Variants in PCNT observed in about 807,000 individuals in gnomAD.
PCNT encodes the protein pericentrin.
A neutral mutation model predicts 380.4 loss-of-function variants in PCNT; 319 were observed. The observed-to-expected ratio is 0.84, with a 90% confidence interval of 0.77 to 0.92. The LOEUF is 0.92. Ranked by LOEUF, PCNT falls within the 40% of genes least tolerant of loss-of-function variation. The pLI is 0.00. For synonymous variants in PCNT, 1,845 were observed against 1,735.2 expected, an observed-to-expected ratio of 1.06 and a Z score of -1.57; for missense variants, 4,400 against 4,255.3, an observed-to-expected ratio of 1.03 and a Z score of -0.95.
At chr21:46,325,523 G>A (rs558231480) in intron 1 of PCNT, among the ~76,000 whole-genome samples, 1 of 152,342 alleles carries the variant, frequency 6.6e-6, no homozygotes, top group South Asian at 2.1e-4. Context: ...GACTTTGAAG[G>A]AAATATTTCC....
rs772844734 is a variant in PCNT, at chr21:46,391,232, G to A, written c.4072G>A (p.Glu1358Lys). 36 of 1,608,732 alleles carry A rather than the reference G, an allele frequency of 2.2e-5. No individual in the cohort carries two copies. The East Asian group carries it at 2.7e-4, about 12-fold the overall frequency. The change falls in exon 21 of 47, where the codon GAG becomes AAG. Residue 1358 changes from glutamate to lysine, a missense_variant. By Grantham distance (56) the Glu-to-Lys change is moderately conservative. Coordinates refer to ENST00000359568, the MANE Select transcript of PCNT (RefSeq NM_006031.6). ...GGTGCTGGCCGGGAAGGAGGATTCC[G>A]AGCACCGTCTGGTGCTGGAGCTGGA... is the stretch of plus-strand genomic sequence containing the variant. ...KEVLAGKEDSEHRLVLELESL... is the reference protein window; with the variant it reads ...KEVLAGKEDSKHRLVLELESL...
chr21:46,404,320 A>G (rs1323084044), intron 27 of PCNT, among the ~76,000 whole-genome samples: 2 of 152,256 alleles, frequency 1.3e-5, no homozygotes, highest in Non-Finnish European at 2.9e-5. Context: ...AGGACATTTC[A>G]TATCTGTAGG....
intron 46 of PCNT, among the ~76,000 whole-genome samples, chr21:46,445,052 G>A (rs952229710): frequency 2.0e-5 from 3 of 147,820 alleles, no homozygotes; most frequent in Non-Finnish European, 3.0e-5. Context: ...ATCACCGTCT[G>A]GACTTTTTTG....
chr21:46,445,395 A>G lies in PCNT; in HGVS notation c.*68A>G. On this transcript the variant is annotated 3_prime_UTR_variant, in exon 47 of 47. Coordinates refer to ENST00000359568, the MANE Select transcript of PCNT (RefSeq NM_006031.6). The stretch of plus-strand genomic sequence containing the variant: ...AAAAGATTTGTTTTTCCCTTTTCCC[A>G]AGGAAGCTCGTGGGACAGCATGGGC... 1 of 1,309,688 alleles carries G rather than the reference A, an allele frequency of 7.6e-7. No individual in the cohort carries two copies. Among genetic ancestry groups the G allele is most frequent in the South Asian group, 1.2e-5 (1 of 85,018 alleles). The allele number at this position is 1,309,688 out of a possible 1,614,324, so 81.1% of individuals were successfully genotyped here. A position where few individuals can be genotyped will look rare whatever the true frequency, so the allele number is the denominator to read the frequency against.
chr21:46,324,777 A>G, intron 1 of PCNT: 2 of 674,174 alleles, frequency 3.0e-6, no homozygotes, highest in Non-Finnish European at 3.7e-6. Context: ...GTCTAGGGCC[A>G]GTTTCCTGCG....
chr21:46,391,088 G>T lies in PCNT; in HGVS notation c.4004-76G>T, dbSNP rs1012141066. On this transcript the variant is annotated intron_variant, in intron 20 of 46. Transcript: ENST00000359568. ...TGCTGCTCTCAGGGGCAGTGGCCCC[G>T]TCCCTTCCTCCAAGCAGGCTCTCCT... The T allele has an allele frequency of 2.1e-5, 30 of 1,397,936 alleles. No homozygotes were observed. The South Asian group carries it at 3.6e-4, about 17-fold the overall frequency. 86.6% of individuals were successfully genotyped at this position (1,397,936 alleles called of 1,614,324 possible). A position where few individuals can be genotyped will look rare whatever the true frequency, so the allele number is the denominator to read the frequency against.
intron 32 of PCNT, among the ~76,000 whole-genome samples, chr21:46,424,743 G>A (rs1210131227): frequency 1.2e-4 from 3 of 24,378 alleles, no homozygotes; most frequent in South Asian, 1.2e-3. Context: ...CCCCAGCCAC[G>A]GCCTTGCTCC....
Position 46,349,177 on chromosome 21 carries a change from C to G in PCNT, c.1198C>G (p.Gln400Glu). The G allele has an allele frequency of 1.2e-6, 2 of 1,613,386 alleles. No individual in the cohort carries two copies. Among genetic ancestry groups the G allele is most frequent in the Non-Finnish European group, 1.7e-6 (2 of 1,179,408 alleles). The change falls in exon 7 of 47, where the codon CAG (glutamine) becomes GAG (glutamate). Residue 400 changes from glutamine (Q) to glutamate (E), a missense_variant. Coordinates refer to ENST00000359568, the MANE Select transcript of PCNT (RefSeq NM_006031.6). ...ELEKIFQDKNQAERALRNLES... is the reference protein window; with the variant it reads ...ELEKIFQDKNEAERALRNLES... ...GGAGAAGATTTTTCAAGACAAAAAC[C>G]AGGCTGAACGTAAGTAATGAAAATG...
chr21:46,439,925 G>A (rs754736544), intron 41 of PCNT, among the ~76,000 whole-genome samples, 158 bp from the exon 42 acceptor site: 8 of 152,196 alleles, frequency 5.3e-5, no homozygotes, highest in Non-Finnish European at 1.2e-4. Flanking sequence ...CCTAGGCCCT[G>A]CTGAGGGGGT....
intron 15 of PCNT, among the ~76,000 whole-genome samples, chr21:46,367,884 A>G (rs972994992): frequency 6.6e-6 from 1 of 152,232 alleles, no homozygotes. Flanking sequence ...TTTCAAGAGC[A>G]GTGATGGGCC....
At chr21:46,419,016 G>A (rs1051818289) in intron 31 of PCNT, among the ~76,000 whole-genome samples, 6 of 152,156 alleles carry the variant, frequency 3.9e-5, no homozygotes, top group African/African-American at 7.2e-5. Context: ...TCCCTTGGTT[G>A]CCCTGGCCCG....
intron 38 of PCNT, among the ~76,000 whole-genome samples, chr21:46,434,481 G>T (rs909377046): frequency 3.9e-5 from 6 of 152,358 alleles, no homozygotes; most frequent in African/African-American, 1.4e-4. Flanking sequence ...CTTCCCGCTG[G>T]ATCTGTCTTT....
At chr21:46,412,344 T>G (rs1478899913) in intron 28 of PCNT, among the ~76,000 whole-genome samples, 2 of 152,254 alleles carry the variant, frequency 1.3e-5, no homozygotes, top group African/African-American at 2.4e-5. Flanking sequence ...TAATAGGGAC[T>G]GTCCAGTGAA....
At chr21:46,330,242 C>G (rs1432078905) in intron 2 of PCNT, among the ~76,000 whole-genome samples, 3 of 151,968 alleles carry the variant, frequency 2.0e-5, no homozygotes, top group African/African-American at 7.3e-5. Flanking sequence ...CTCAGCCTCC[C>G]TAGTACCTGG....
At chr21:46,331,111 A>G (rs1177392292) in intron 2 of PCNT, among the ~76,000 whole-genome samples, 1 of 152,126 alleles carries the variant, frequency 6.6e-6, no homozygotes, top group Admixed American at 6.6e-5. Context: ...TAAATTGCTT[A>G]CTTTGATCAC....
In PCNT at chr21:46,445,634, A is replaced by C. The variant is rs879391669; in HGVS notation, c.*307A>C. 2.4e-6 allele frequency: 1 copy of C among 415,704 alleles called. No homozygotes were observed. The highest frequency in any genetic ancestry group is 2.0e-5 in the African/African-American group (1 of 50,430). 25.8% of individuals were successfully genotyped at this position (415,704 alleles called of 1,614,324 possible). On this transcript the variant is annotated 3_prime_UTR_variant, in exon 47 of 47. Coordinates refer to ENST00000359568, the MANE Select transcript of PCNT (RefSeq NM_006031.6). ...CGGCAGATCCATCCTTCCTGCCTCC[A>C]AGGAGGATACACAGAGAATGGCTTC...
chr21:46,393,634 G>A (rs74963556), intron 21 of PCNT, among the ~76,000 whole-genome samples: 1 of 152,198 alleles, frequency 6.6e-6, no homozygotes, highest in Non-Finnish European at 1.5e-5. Context: ...AGATAAAGGG[G>A]TGTGTGGCCT....
At chr21:46,339,210 C>G (rs1190645855) in intron 3 of PCNT, among the ~76,000 whole-genome samples, 3 of 152,174 alleles carry the variant, frequency 2.0e-5, no homozygotes, top group Non-Finnish European at 2.9e-5. Flanking sequence ...ACAACTGTGC[C>G]TGGCCTGTTT....
At chr21:46,409,190 C>CTTTTT (rs11399485) in intron 27 of PCNT, among the ~76,000 whole-genome samples, 19 of 123,976 alleles carry the variant, frequency 1.5e-4, no homozygotes, top group Admixed American at 3.5e-4. Flanking sequence ...AAACTTTTTA[C>CTTTTT]TTTTTTTTTT....
Sources: gnomAD v4.1 joint callset for allele counts (sites outside exome capture counted in the v4.1 genomes callset) on GRCh38, gnomAD v4.1.1 for gene constraint, MANE v1.5 for transcripts, NCBI Gene and HGNC (gene_info 2026-07-23, HGNC 2026-07-21) for gene names.